Variants in DERL3 observed in about 807,000 individuals in gnomAD.
The protein encoded by DERL3 is derlin 3, also known as derlin-3.
DERL3 carries 20 observed loss-of-function variants against 23.8 expected under a neutral mutation model. That is an observed-to-expected ratio of 0.84 (90% CI 0.59 to 1.22). The LOEUF (loss-of-function observed/expected upper bound fraction) is 1.22, where lower values mean the gene tolerates loss of function less well. DERL3 is among the 50% of genes most tolerant of loss of function. The pLI is 0.00. For missense variants in DERL3, 319 were observed against 304.1 expected (o/e 1.05, Z -0.36); for synonymous variants, 145 against 132.5 (o/e 1.09, Z -0.65).
At position 23,836,871 on chromosome 22, in the gene DERL3, A is replaced by C; in HGVS notation, c.706T>G (p.Ter236GlyextTer29). The change falls in exon 7 of 7, where the codon TGA (stop) becomes GGA (glycine). Residue 236 changes from the stop codon to glycine, a stop_lost. Transcript: ENST00000318109. ...PGPHLPPPQQ* is the reference protein window; with the variant it reads ...PGPHLPPPQQG ...TTAGGCCTGGCCCTGGGTGGGGGTC[A>C]CTGCTGCGGGGGTGGCAGATGGGGT... 1 of 1,461,872 alleles carries C rather than the reference A, an allele frequency of 6.8e-7. No homozygotes were observed. The highest frequency in any genetic ancestry group is 1.4e-5 in the African/African-American group (1 of 70,080). The allele number at this position is 1,461,872 out of a possible 1,614,324, so 90.6% of individuals were successfully genotyped here.
In DERL3 at chr22:23,837,697, G is replaced by A. The variant is rs1485608580; in HGVS notation, c.485C>T (p.Ser162Leu). The A allele has an allele frequency of 6.8e-6, 11 of 1,613,752 alleles. No individual in the cohort carries two copies. Among genetic ancestry groups the A allele is most frequent in the East Asian group, 2.2e-5 (1 of 44,900 alleles). Residue 162 changes from serine (S) to leucine (L), a missense_variant, in exon 5 of 7, where the codon TCG becomes TTG. By Grantham distance (145) the Ser-to-Leu change is moderately radical. Transcript: ENST00000318109. Reference protein sequence around the residue: ...PFLPWALMGFSLLLGNSILVD... With the variant: ...PFLPWALMGFLLLLGNSILVD... ...GAGGATGGAGTTGCCCAGCAGCAGCGAGAAGCCCATGAGCGCCCAAGGCAG... is the reference window on the plus strand; with the variant it reads ...GAGGATGGAGTTGCCCAGCAGCAGCAAGAAGCCCATGAGCGCCCAAGGCAG...
At position 23,838,914 on chromosome 22, in the gene DERL3, A is replaced by T. The variant is rs1346463406; in HGVS notation, c.74T>A (p.Val25Asp). 1.9e-6 allele frequency: 3 copies of T among 1,572,322 alleles called. No homozygotes were observed. Among genetic ancestry groups the T allele is most frequent in the African/African-American group, 1.3e-5 (1 of 74,230 alleles). Residue 25 changes from valine to aspartate, a missense_variant, in exon 1 of 7, where the codon GTC (valine) becomes GAC (aspartate). By Grantham distance (152) the Val-to-Asp change is radical. Coordinates refer to ENST00000318109, the MANE Select transcript of DERL3 (RefSeq NM_001002862.3). ...AVTRAYTAAC[V>D]LTTAAVQLEL... ...GCTTACCACCGCGGCGGTGGTGAGG[A>T]CACAGGCTGCGGTGTAAGCCCGCGT...
In DERL3 at chr22:23,836,284, T is replaced by C. The variant is rs2031039352; in HGVS notation, c.*585A>G. On this transcript the variant is annotated 3_prime_UTR_variant, in exon 7 of 7. Transcript: ENST00000318109. ...GGCTTTGGCATCACCAGATGAAAAA[T>C]GAGGCATACGCCCACCTGTCAGGGT... The C allele has an allele frequency of 1.0e-6, 1 of 985,242 alleles. No homozygotes were observed. The highest frequency in any genetic ancestry group is 1.2e-6 in the Non-Finnish European group (1 of 829,940). 61.0% of individuals were successfully genotyped at this position (985,242 alleles called of 1,614,324 possible).
At chr22:23,838,264 C>G in intron 4 of DERL3, 88 bp downstream of exon 4, 3 of 1,552,008 alleles carry the variant, frequency 1.9e-6, no homozygotes, top group South Asian at 2.4e-5. Context: ...GTGTCCCTCT[C>G]TGGCATGGCT....
At position 23,837,148 on chromosome 22, in the gene DERL3, G is replaced by A. The variant is rs752419047; in HGVS notation, c.530C>T (p.Ala177Val). The change falls in exon 6 of 7, where the codon GCG (alanine) becomes GTG (valine). Residue 177 changes from alanine to valine, a missense_variant. By Grantham distance (64) the Ala-to-Val change is moderately conservative. Transcript: ENST00000318109. ...NSILVDLLGI[A>V]VGHIYYFLED... is the part of the protein sequence containing the mutation. ...CAGGAAGTAGTAGATATGGCCCACC[G>A]CAATCCCTGTGAGACAGCCACGGAC... 9 of 1,613,674 alleles carry A rather than the reference G, an allele frequency of 5.6e-6. No homozygotes were observed. The highest frequency in any genetic ancestry group is 5.3e-5 in the African/African-American group (4 of 74,910).
At chr22:23,838,008 G>A in intron 4 of DERL3, 154 bp from the exon 5 acceptor site, 1 of 1,260,052 alleles carries the variant, frequency 7.9e-7, no homozygotes, top group Non-Finnish European at 1.1e-6. Flanking sequence ...CACTCCACGG[G>A]CTTCAGGTCC....
At position 23,836,580 on chromosome 22, in the gene DERL3, G is replaced by C; in HGVS notation, c.*289C>G. ...TGGCAACCTGTGAGCTCAAAGCTCT[G>C]CCAGGCAACCATGGGCAGTTTCTTT... On this transcript the variant is annotated 3_prime_UTR_variant, in exon 7 of 7. Transcript: ENST00000318109. 8.7e-7 allele frequency: 1 copy of C among 1,143,458 alleles called. No homozygotes were observed. The highest frequency in any genetic ancestry group is 1.1e-6 in the Non-Finnish European group (1 of 932,976). The allele number at this position is 1,143,458 out of a possible 1,614,324, so 70.8% of individuals were successfully genotyped here. A position where few individuals can be genotyped will look rare whatever the true frequency, so the allele number is the denominator to read the frequency against.
In DERL3 at chr22:23,838,877, G is replaced by C; in HGVS notation, c.93+18C>G. 6.4e-7 allele frequency: 1 copy of C among 1,553,608 alleles called. No homozygotes were observed. The highest frequency in any genetic ancestry group is 8.7e-7 in the Non-Finnish European group (1 of 1,148,314). On this transcript the variant is annotated intron_variant, in intron 1 of 6. Coordinates refer to ENST00000318109, the MANE Select transcript of DERL3 (RefSeq NM_001002862.3). ...GAGGCTGTAACCAAGGCGACGTCCG[G>C]TCCGCCCGGCCGCTTACCACCGCGG...
Position 23,834,778 on chromosome 22 carries a change from GCTCT to G in DERL3, c.*2087_*2090del. The stretch of plus-strand genomic sequence containing the variant: ...GTAGCTGTGAGGCTCAGGGCAAGAG[GCTCT>G]CTGCCTTTCAGGAACAGCCCTAACC... On this transcript the variant is annotated 3_prime_UTR_variant, in exon 7 of 7. Transcript: ENST00000318109. The G allele has an allele frequency of 6.4e-7, 1 of 1,565,488 alleles. No individual in the cohort carries two copies. The highest frequency in any genetic ancestry group is 2.2e-5 in the East Asian group (1 of 44,454).
intron 3 of DERL3, 31 bp downstream of exon 3, chr22:23,838,532 CA>C (rs1568970743): frequency 1.9e-6 from 3 of 1,575,798 alleles, no homozygotes; most frequent in Non-Finnish European, 2.6e-6. Context: ...GCCTGCCCTC[CA>C]CCCAGCCCGT....
Position 23,835,551 on chromosome 22 carries a change from G to A in DERL3, c.*1318C>T, listed in dbSNP as rs1411787717. 7 of 985,382 alleles carry A rather than the reference G, an allele frequency of 7.1e-6. No individual in the cohort carries two copies. The highest frequency in any genetic ancestry group is 8.4e-6 in the Non-Finnish European group (7 of 829,964). 61.0% of individuals were successfully genotyped at this position (985,382 alleles called of 1,614,324 possible). On this transcript the variant is annotated 3_prime_UTR_variant, in exon 7 of 7. Coordinates refer to ENST00000318109, the MANE Select transcript of DERL3 (RefSeq NM_001002862.3). ...CATGTTAGCATGGGACTCTTCCCAGGGAGTTTGCACTCAGGGCCTCTGCCC... is the reference window on the plus strand; with the variant it reads ...CATGTTAGCATGGGACTCTTCCCAGAGAGTTTGCACTCAGGGCCTCTGCCC...
intron 5 of DERL3, 171 bp downstream of exon 5, chr22:23,837,488 G>T (rs569047608): frequency 2.2e-5 from 16 of 721,704 alleles, no homozygotes; most frequent in Admixed American, 5.8e-5. Context: ...ATGTGGGCCG[G>T]CTGGCTTGAG....
Position 23,837,805 on chromosome 22 carries a change from G to A in DERL3, c.377C>T (p.Ala126Val). Residue 126 changes from alanine (A) to valine (V), a missense_variant, in exon 5 of 7, where the codon GCC becomes GTC. By Grantham distance (64) the Ala-to-Val change is moderately conservative. Transcript: ENST00000318109. ...SLFFLGQALM[A>V]MLVYVWSRRS... Reference sequence around the variant, plus strand: ...GCGGCTCCACACGTACACCAGCATGGCCATGAGGGCCTGGCCCAGGAAGAA... The same window carrying A: ...GCGGCTCCACACGTACACCAGCATGACCATGAGGGCCTGGCCCAGGAAGAA... 1.2e-6 allele frequency: 2 copies of A among 1,613,814 alleles called. No individual in the cohort carries two copies. The highest frequency in any genetic ancestry group is 2.2e-5 in the East Asian group (1 of 44,888).
In DERL3 at chr22:23,838,876, G is replaced by C. The variant is rs1259034025; in HGVS notation, c.93+19C>G. 6.4e-7 allele frequency: 1 copy of C among 1,553,252 alleles called. No homozygotes were observed. The highest frequency in any genetic ancestry group is 2.4e-5 in the East Asian group (1 of 41,392). On this transcript the variant is annotated intron_variant, in intron 1 of 6. Coordinates refer to ENST00000318109, the MANE Select transcript of DERL3 (RefSeq NM_001002862.3). The stretch of plus-strand genomic sequence containing the variant: ...AGAGGCTGTAACCAAGGCGACGTCC[G>C]GTCCGCCCGGCCGCTTACCACCGCG...
At chr22:23,837,423 T>G (rs2031157243) in intron 5 of DERL3, 4 of 640,062 alleles carry the variant, frequency 6.2e-6, no homozygotes, top group South Asian at 6.0e-5. Context: ...CCTCCCATCC[T>G]CACTCCCATC....
chr22:23,838,364 GC>G lies in DERL3; in HGVS notation c.314del (p.Gly105AlafsTer4), dbSNP rs536282991. On this transcript the variant is annotated frameshift_variant, in exon 4 of 7. Transcript: ENST00000318109. LOFTEE classifies it high-confidence loss of function. ...GCGGGAAGGATACGGTCATAAGGAC[GC>G]CCCCGAAGAGAAACATGAAGACGAA... The part of the protein sequence containing the change: ...ADFVFMFLFG[G>X]VLMTLLGLLG... The G allele has an allele frequency of 1.7e-3, 2,704 of 1,607,330 alleles. 6 individuals are homozygous for G. Among genetic ancestry groups the G allele is most frequent in the Admixed American group, 2.9e-3 (174 of 59,320 alleles).
intron 5 of DERL3, 31 bp downstream of exon 5, chr22:23,837,628 T>G (rs758260338): frequency 6.2e-7 from 1 of 1,600,438 alleles, no homozygotes; most frequent in East Asian, 2.2e-5. Flanking sequence ...GTGGCCAGCC[T>G]GGGGCGGACT....
chr22:23,835,841 G>A lies in DERL3; in HGVS notation c.*1028C>T. 3.0e-6 allele frequency: 3 copies of A among 984,740 alleles called. No homozygotes were observed. Among genetic ancestry groups the A allele is most frequent in the Non-Finnish European group, 3.6e-6 (3 of 829,756 alleles). 61.0% of individuals were successfully genotyped at this position (984,740 alleles called of 1,614,324 possible). On this transcript the variant is annotated 3_prime_UTR_variant, in exon 7 of 7. Coordinates refer to ENST00000318109, the MANE Select transcript of DERL3 (RefSeq NM_001002862.3). ...AGGTCGGGCAGGGCCACCTGGCTGG[G>A]AGGTGCCGGGAAGGCTGGGCCCTCA...
In DERL3 at chr22:23,834,877, G is replaced by T. The variant is rs1356430580; in HGVS notation, c.*1992C>A. The T allele has an allele frequency of 1.2e-6, 2 of 1,612,306 alleles. No homozygotes were observed. The highest frequency in any genetic ancestry group is 1.7e-6 in the Non-Finnish European group (2 of 1,179,782). On this transcript the variant is annotated 3_prime_UTR_variant, in exon 7 of 7. Coordinates refer to ENST00000318109, the MANE Select transcript of DERL3 (RefSeq NM_001002862.3). ...GCCGTCCCTGGGCCGCCCTGGCTCT[G>T]CTGTGTCCAGATGGTCAGGCTACTG...
Sources: gnomAD v4.1 joint callset for allele counts on GRCh38, gnomAD v4.1.1 for gene constraint, MANE v1.5 for transcripts, NCBI Gene and HGNC (gene_info 2026-07-23, HGNC 2026-07-21) for gene names.